The following FGF13 variants were observed in gnomAD, a reference collection of about 807,000 sequenced individuals.
FGF13 encodes the protein fibroblast growth factor 13, also known as fibroblast growth factor homologous factor 2.
In FGF13, 2 loss-of-function variants were observed where a neutral mutation model predicts 19.5. The ratio of observed to expected loss-of-function variants is 0.10; its 90% confidence interval spans 0.04 to 0.32. The LOEUF is 0.32. FGF13 is among the 10% of genes least tolerant of loss of function. The probability of loss-of-function intolerance (pLI) is 1.00; values close to 1 mark genes in which losing one functional copy is unlikely to be tolerated. For missense variants in FGF13, 113 were observed against 192.7 expected (o/e 0.59, Z 2.45); for synonymous variants, 72 against 76.9 (o/e 0.94, Z 0.33).
chrX:138,925,671 A>G (rs1425065505), intron 1 of FGF13, among the ~76,000 whole-genome samples: 2 of 110,792 alleles, frequency 1.8e-5, no homozygotes, highest in Admixed American at 1.9e-4. Flanking sequence ...ATAAATTCAA[A>G]ACTTTTTCAG....
chrX:138,843,537 G>A (rs2091162972), intron 3 of FGF13, among the ~76,000 whole-genome samples: 1 of 111,870 alleles, frequency 8.9e-6, no homozygotes, highest in Non-Finnish European at 1.9e-5. Flanking sequence ...TTCAATAGAT[G>A]TTTTGGGAAT....
chrX:138,718,948 A>T (rs926926508), intron 1 of FGF13, among the ~76,000 whole-genome samples: 13 of 112,205 alleles, frequency 1.2e-4, no homozygotes, highest in Non-Finnish European at 9.4e-5. Flanking sequence ...TTACAACAAC[A>T]TGTAAGGTAG....
chrX:138,972,664 T>A (rs1350328290), intron 1 of FGF13, among the ~76,000 whole-genome samples: 1 of 111,121 alleles, frequency 9.0e-6, no homozygotes, highest in African/African-American at 3.3e-5. Context: ...GCCCTCACCA[T>A]CATTTTTTAT....
At chrX:139,169,248 T>C (rs1416438531) in intron 1 of FGF13, among the ~76,000 whole-genome samples, 1 of 112,153 alleles carries the variant, frequency 8.9e-6, no homozygotes, top group East Asian at 2.8e-4. Flanking sequence ...CACCTCTTCA[T>C]GCTATCTTCC....
intron 1 of FGF13, among the ~76,000 whole-genome samples, chrX:138,980,457 G>T (rs2091958729): frequency 8.9e-6 from 1 of 111,760 alleles, no homozygotes; most frequent in Non-Finnish European, 1.9e-5. Flanking sequence ...ATAATTTCAT[G>T]TTGTCTTTAC....
intron 3 of FGF13, among the ~76,000 whole-genome samples, chrX:138,768,034 G>C (rs2090514816): frequency 1.8e-5 from 2 of 111,805 alleles, no homozygotes. Flanking sequence ...GCCCCGAAGG[G>C]ACTGCAAAGT....
intron 3 of FGF13, among the ~76,000 whole-genome samples, chrX:138,796,463 G>T (rs1324151639): frequency 8.1e-5 from 9 of 111,795 alleles, no homozygotes; most frequent in African/African-American, 2.9e-4. Context: ...TCTTTATCCA[G>T]TCTATCATTG....
chrX:139,042,897 T>A (rs1172900948), intron 1 of FGF13, among the ~76,000 whole-genome samples: 2 of 112,014 alleles, frequency 1.8e-5, no homozygotes, highest in Non-Finnish European at 3.8e-5. Flanking sequence ...GCTTTTAGAA[T>A]CTGAGCTTAT....
At chrX:138,932,435 C>A (rs1001039641) in intron 1 of FGF13, among the ~76,000 whole-genome samples, 4 of 108,636 alleles carry the variant, frequency 3.7e-5, no homozygotes, top group Non-Finnish European at 7.7e-5. Context: ...AAAAATTAGC[C>A]GGGCCTGGTG....
chrX:138,884,436 C>T (rs2091442125), intron 1 of FGF13, among the ~76,000 whole-genome samples: 1 of 112,236 alleles, frequency 8.9e-6, no homozygotes, highest in Non-Finnish European at 1.9e-5. Flanking sequence ...AAGCAGACAC[C>T]TGTTACCCAA....
upstream of FGF13, chrX:138,711,719 G>T: frequency 1.3e-6 from 1 of 750,502 alleles, no homozygotes; most frequent in Non-Finnish European, 1.6e-6. Flanking sequence ...CAGCGCGACA[G>T]CCTCCTTGCA....
upstream of FGF13, among the ~76,000 whole-genome samples, chrX:138,715,093 G>C (rs975103737): frequency 2.7e-5 from 3 of 111,876 alleles, no homozygotes; most frequent in African/African-American, 9.8e-5. Flanking sequence ...TCTATTCTAA[G>C]GTAGGGTCTA....
intron 3 of FGF13, among the ~76,000 whole-genome samples, chrX:138,651,014 G>A (rs758723367): frequency 5.4e-5 from 6 of 111,915 alleles, no homozygotes; most frequent in Non-Finnish European, 1.1e-4. Flanking sequence ...CTGAAGGAAT[G>A]TTTACAGAAG....
chrX:139,185,053 T>A (rs1211024707), intron 1 of FGF13, among the ~76,000 whole-genome samples: 1 of 112,011 alleles, frequency 8.9e-6, no homozygotes, highest in African/African-American at 3.2e-5. Flanking sequence ...TAAGTTTGTT[T>A]TGCACTGGAA....
At chrX:138,768,662 G>A (rs1269244871) in intron 3 of FGF13, among the ~76,000 whole-genome samples, 2 of 102,157 alleles carry the variant, frequency 2.0e-5, no homozygotes, top group African/African-American at 7.3e-5. Context: ...AAAGTCAAAA[G>A]TAGTATATAT....
chrX:138,781,420 C>G (rs1039936374), intron 3 of FGF13, among the ~76,000 whole-genome samples: 1 of 109,752 alleles, frequency 9.1e-6, no homozygotes, highest in Admixed American at 9.7e-5. Context: ...AGACCACTAG[C>G]AAGACTAATA....
chrX:139,104,026 T>A (rs1377278018), intron 1 of FGF13, among the ~76,000 whole-genome samples: 1 of 111,427 alleles, frequency 9.0e-6, no homozygotes, highest in Non-Finnish European at 1.9e-5. Flanking sequence ...TCTTTGAGCC[T>A]CAAGTTTCTC....
At chrX:138,840,534 A>G (rs1316704612) in intron 3 of FGF13, among the ~76,000 whole-genome samples, 1 of 111,605 alleles carries the variant, frequency 9.0e-6, no homozygotes, top group Admixed American at 9.5e-5. Flanking sequence ...CAATAATAAA[A>G]CAGTGGATAT....
At chrX:138,746,233 A>G (rs1040731627) in intron 3 of FGF13, among the ~76,000 whole-genome samples, 2 of 110,655 alleles carry the variant, frequency 1.8e-5, no homozygotes, top group Non-Finnish European at 3.8e-5. Context: ...AAGGAATCAA[A>G]TGACATTCAG....
Sources: gnomAD v4.1 joint callset for allele counts (sites outside exome capture counted in the v4.1 genomes callset) on GRCh38, gnomAD v4.1.1 for gene constraint, MANE v1.5 for transcripts, NCBI Gene and HGNC (gene_info 2026-07-23, HGNC 2026-07-21) for gene names.